The following INPP4B variants were observed in gnomAD, a reference collection of about 807,000 sequenced individuals.
The protein encoded by INPP4B is inositol polyphosphate 4-phosphatase type II.
INPP4B carries 55 observed loss-of-function variants against 122.5 expected under a neutral mutation model. The observed-to-expected ratio is 0.45, with a 90% confidence interval of 0.36 to 0.56. The LOEUF (loss-of-function observed/expected upper bound fraction) is 0.56, where lower values mean the gene tolerates loss of function less well. Among genes scored for constraint, INPP4B ranks in the 20% least tolerant of loss-of-function variants. The pLI is 0.00. For missense variants in INPP4B, 1,000 were observed against 1,097.7 expected (o/e 0.91, Z 1.26); for synonymous variants, 403 against 388.7 (o/e 1.04, Z -0.43).
chr4:142,723,038 A>ATAC (rs61255053), intron 2 of INPP4B, among the ~76,000 whole-genome samples: 1 of 151,582 alleles, frequency 6.6e-6, no homozygotes, highest in African/African-American at 2.4e-5. Flanking sequence ...ACATCAAATA[A>ATAC]ACCAAAATAA....
At chr4:142,531,907 C>T (rs1827661123) in intron 2 of INPP4B, among the ~76,000 whole-genome samples, 1 of 151,994 alleles carries the variant, frequency 6.6e-6, no homozygotes, top group Non-Finnish European at 1.5e-5. Context: ...TAAATATAAA[C>T]ATTATTGATT....
At chr4:142,703,937 G>A (rs1013941883) in intron 2 of INPP4B, among the ~76,000 whole-genome samples, 2 of 152,282 alleles carry the variant, frequency 1.3e-5, no homozygotes, top group South Asian at 2.1e-4. Context: ...AGGAGATGGT[G>A]TATCCAAAAT....
intron 25 of INPP4B, among the ~76,000 whole-genome samples, chr4:142,034,466 CCT>C (rs547201667): frequency 9.9e-4 from 150 of 152,112 alleles, no homozygotes; most frequent in African/African-American, 3.3e-3. Context: ...TCCCCTCTTA[CCT>C]CTCTCTTTCC....
chr4:142,568,113 G>A (rs1732033795), intron 2 of INPP4B, among the ~76,000 whole-genome samples: 1 of 151,174 alleles, frequency 6.6e-6, no homozygotes, highest in Non-Finnish European at 1.5e-5. Context: ...TTCTAGTTTG[G>A]CTTTGATTAT....
At chr4:142,160,655 T>C (rs548955918) in intron 16 of INPP4B, 94 bp from the exon 17 acceptor site, 2 of 783,614 alleles carry the variant, frequency 2.6e-6, no homozygotes, top group South Asian at 2.3e-5. Context: ...GGTACTTAAG[T>C]GGTGTGTATG....
At chr4:142,088,272 T>A (rs77792752) in intron 23 of INPP4B, among the ~76,000 whole-genome samples, 1,560 of 152,314 alleles carry the variant, frequency 0.01, 20 homozygotes, top group Admixed American at 0.015. Context: ...AGGTTGCTTT[T>A]TAATTTATAA....
chr4:142,539,819 T>C (rs1203487937), intron 2 of INPP4B, among the ~76,000 whole-genome samples: 2 of 152,014 alleles, frequency 1.3e-5, no homozygotes, highest in Non-Finnish European at 2.9e-5. Flanking sequence ...GCTATGTAAT[T>C]ATGATAAAAT....
intron 1 of INPP4B, among the ~76,000 whole-genome samples, chr4:142,747,993 C>A (rs560608682): frequency 6.6e-5 from 10 of 152,202 alleles, no homozygotes; most frequent in Middle Eastern, 3.4e-3. Context: ...GCACATTCTG[C>A]ACATGTACCC....
chr4:142,329,582 A>C (rs1773715374), intron 7 of INPP4B, among the ~76,000 whole-genome samples: 2 of 152,216 alleles, frequency 1.3e-5, no homozygotes, highest in Admixed American at 6.5e-5. Flanking sequence ...ATTAGGAGCC[A>C]TTTACAAATT....
intron 2 of INPP4B, among the ~76,000 whole-genome samples, chr4:142,611,028 G>A (rs908870430): frequency 1.3e-5 from 2 of 152,160 alleles, no homozygotes; most frequent in Non-Finnish European, 2.9e-5. Flanking sequence ...TTTGCTCACA[G>A]TTCTGCAGGA....
intron 2 of INPP4B, among the ~76,000 whole-genome samples, chr4:142,495,571 T>G (rs1473847434): frequency 6.6e-6 from 1 of 152,076 alleles, no homozygotes; most frequent in African/African-American, 2.4e-5. Flanking sequence ...CTTCTGCCTG[T>G]GGTTACCTTG....
chr4:142,422,179 T>A (rs1188131056), intron 5 of INPP4B, among the ~76,000 whole-genome samples: 1 of 152,140 alleles, frequency 6.6e-6, no homozygotes, highest in East Asian at 1.9e-4. Flanking sequence ...ATTCTAAGTT[T>A]TCTTACATAG....
chr4:142,228,358 A>T (rs2149804241), intron 12 of INPP4B, among the ~76,000 whole-genome samples: 1 of 152,258 alleles, frequency 6.6e-6, no homozygotes, highest in Admixed American at 6.5e-5. Context: ...CTATAGGAAC[A>T]AAACTATAAA....
In INPP4B at chr4:142,027,896, T is replaced by C. The variant is rs571019524; in HGVS notation, c.*886A>G. On this transcript the variant is annotated 3_prime_UTR_variant, in exon 26 of 26. Coordinates refer to ENST00000262992, the MANE Select transcript of INPP4B (RefSeq NM_001101669.3). ...CACACAAACCTATGCCATAACTGCA[T>C]GCTTACACCAGGATGACTGCTAAGA... The C allele has an allele frequency of 5.0e-4, 91 of 181,712 alleles. 1 individual carries two copies. The highest frequency in any genetic ancestry group is 2.0e-3 in the African/African-American group (85 of 42,612). 11.3% of individuals were successfully genotyped at this position (181,712 alleles called of 1,614,324 possible).
intron 2 of INPP4B, among the ~76,000 whole-genome samples, chr4:142,608,254 C>T (rs1173800258): frequency 2.0e-5 from 3 of 152,058 alleles, no homozygotes; most frequent in Admixed American, 6.6e-5. Flanking sequence ...GACTTCTTTC[C>T]TTTATTGACT....
intron 2 of INPP4B, among the ~76,000 whole-genome samples, chr4:142,634,054 AGGCAGGG>A (rs1748570363): frequency 1.3e-5 from 2 of 150,940 alleles, no homozygotes; most frequent in Admixed American, 1.3e-4. Context: ...TGGGGGGAAA[AGGCAGGG>A]GGCTGGAGGG....
chr4:142,576,199 G>A (rs1324086780), intron 2 of INPP4B, among the ~76,000 whole-genome samples: 1 of 150,958 alleles, frequency 6.6e-6, no homozygotes, highest in Non-Finnish European at 1.5e-5. Flanking sequence ...GAAAAAAGCA[G>A]GGAAACATCC....
At chr4:142,291,436 T>G (rs947556526) in intron 9 of INPP4B, among the ~76,000 whole-genome samples, 1 of 152,206 alleles carries the variant, frequency 6.6e-6, no homozygotes, top group Non-Finnish European at 1.5e-5. Context: ...TTATGGGTAA[T>G]GTACACGGCC....
At chr4:142,401,475 G>A (rs950599052) in intron 7 of INPP4B, among the ~76,000 whole-genome samples, 14 of 152,080 alleles carry the variant, frequency 9.2e-5, no homozygotes, top group Non-Finnish European at 1.3e-4. Context: ...GTAATAAACA[G>A]CAAATGTAGG....
Sources: allele counts gnomAD v4.1 joint callset (sites outside exome capture counted in the v4.1 genomes callset), GRCh38; gene constraint gnomAD v4.1.1; transcripts MANE v1.5; gene names NCBI Gene and HGNC (gene_info 2026-07-23, HGNC 2026-07-21).